KLF8: variants seen among roughly 807,000 people sequenced by gnomAD.
KLF8 encodes Krueppel-like factor 8.
KLF8 carries 10 observed loss-of-function variants against 18.2 expected under a neutral mutation model. That is an observed-to-expected ratio of 0.55 (90% CI 0.34 to 0.93). KLF8 has a LOEUF of 0.93. Among genes scored for constraint, KLF8 ranks in the 40% least tolerant of loss-of-function variants. KLF8 has a pLI of 0.02. For synonymous variants in KLF8, 109 were observed against 97.3 expected (o/e 1.12, Z -0.71); for missense variants, 264 against 277.9 (o/e 0.95, Z 0.36).
At chrX:56,059,330 T>G in the KLF8 span, among the ~76,000 whole-genome samples, 1 of 112,182 alleles carries the variant, frequency 8.9e-6, no homozygotes, top group Non-Finnish European at 1.9e-5. Flanking sequence ...ATAGTTTCCT[T>G]TGCTGTGAAG....
At chrX:56,124,675 A>G in the KLF8 span, among the ~76,000 whole-genome samples, 1 of 111,717 alleles carries the variant, frequency 9.0e-6, no homozygotes, top group African/African-American at 3.3e-5. Flanking sequence ...AGCCCAGCTT[A>G]TGTATACTAT....
At chrX:56,102,248 A>C in the KLF8 span, among the ~76,000 whole-genome samples, 1 of 111,267 alleles carries the variant, frequency 9.0e-6, no homozygotes, top group African/African-American at 3.3e-5. Flanking sequence ...TTTCTTGAAG[A>C]TAGATGGTTG....
the KLF8 span, among the ~76,000 whole-genome samples, chrX:55,946,020 T>G: frequency 6.6e-4 from 74 of 111,821 alleles, no homozygotes; most frequent in Admixed American, 5.8e-3. Context: ...TCCACGCTCT[T>G]GCATAGGAAG....
the KLF8 span, among the ~76,000 whole-genome samples, chrX:55,995,320 T>A: frequency 8.9e-6 from 1 of 112,495 alleles, no homozygotes; most frequent in African/African-American, 3.2e-5. Context: ...AGCATGCACT[T>A]GGGTCTTGCT....
the KLF8 span, among the ~76,000 whole-genome samples, chrX:55,979,931 T>G: frequency 8.9e-6 from 1 of 112,046 alleles, no homozygotes; most frequent in Non-Finnish European, 1.9e-5. Context: ...TCTGTGATGC[T>G]TCTTTGTCAA....
chrX:55,909,143 G>A, the KLF8 span, among the ~76,000 whole-genome samples: 2 of 112,066 alleles, frequency 1.8e-5, no homozygotes, highest in Admixed American at 9.4e-5. Context: ...AGCTAGGAGG[G>A]CTCCATCTTG....
intron 2 of KLF8, among the ~76,000 whole-genome samples, chrX:56,263,065 C>T (rs1448185113): frequency 8.9e-6 from 1 of 112,184 alleles, no homozygotes; most frequent in Non-Finnish European, 1.9e-5. Flanking sequence ...AATGGAGCTA[C>T]TCAAGTGAAG....
chrX:56,117,042 G>A, the KLF8 span, among the ~76,000 whole-genome samples: 1 of 110,654 alleles, frequency 9.0e-6, no homozygotes, highest in Non-Finnish European at 1.9e-5. Context: ...TTGGGAGACT[G>A]AGATGGGAGG....
chrX:56,186,583 G>A, the KLF8 span, among the ~76,000 whole-genome samples: 17 of 111,548 alleles, frequency 1.5e-4, no homozygotes, highest in East Asian at 3.9e-3. Flanking sequence ...ATTCTTTTCA[G>A]CACCACACCA....
chrX:56,064,653 GCTTT>G, the KLF8 span, among the ~76,000 whole-genome samples: 3 of 111,055 alleles, frequency 2.7e-5, no homozygotes, highest in African/African-American at 9.8e-5. Context: ...CCATTTCAGT[GCTTT>G]CTTTTTATTA....
chrX:56,184,204 C>T, the KLF8 span, among the ~76,000 whole-genome samples: 62 of 112,317 alleles, frequency 5.5e-4, no homozygotes, highest in Admixed American at 1.5e-3. Context: ...TAAAAAATGG[C>T]GCACCAGGAG....
chrX:56,085,724 C>A, the KLF8 span, among the ~76,000 whole-genome samples: 1 of 112,144 alleles, frequency 8.9e-6, no homozygotes, highest in Non-Finnish European at 1.9e-5. Flanking sequence ...AACACACATG[C>A]AATATTTTTC....
chrX:56,138,394 G>T, the KLF8 span, among the ~76,000 whole-genome samples: 1 of 111,465 alleles, frequency 9.0e-6, no homozygotes, highest in African/African-American at 3.3e-5. Context: ...TATCCCTAAT[G>T]AACATTGATG....
At chrX:56,159,316 G>A in the KLF8 span, among the ~76,000 whole-genome samples, 14 of 111,933 alleles carry the variant, frequency 1.3e-4, no homozygotes, top group South Asian at 2.3e-3. Flanking sequence ...TTTTAGCATC[G>A]ATGTTCATCA....
chrX:56,007,713 T>C, the KLF8 span, among the ~76,000 whole-genome samples: 1 of 111,588 alleles, frequency 9.0e-6, no homozygotes, highest in Non-Finnish European at 1.9e-5. Flanking sequence ...TAGTAAACCA[T>C]CTTTGAAAAA....
chrX:55,937,812 G>T, the KLF8 span, among the ~76,000 whole-genome samples: 3 of 111,650 alleles, frequency 2.7e-5, no homozygotes, highest in East Asian at 5.6e-4. Flanking sequence ...AGGGAGAAAA[G>T]AAGTTTAGAG....
At chrX:56,148,000 A>G in the KLF8 span, among the ~76,000 whole-genome samples, 1 of 112,006 alleles carries the variant, frequency 8.9e-6, no homozygotes, top group African/African-American at 3.2e-5. Flanking sequence ...AACTAGAGAG[A>G]AGCAATGGTT....
At chrX:56,068,442 G>A in the KLF8 span, among the ~76,000 whole-genome samples, 8 of 111,369 alleles carry the variant, frequency 7.2e-5, no homozygotes, top group East Asian at 2.3e-3. Context: ...GAAACCAGGT[G>A]AGCAACACTT....
the KLF8 span, among the ~76,000 whole-genome samples, chrX:56,113,112 G>A: frequency 9.2e-6 from 1 of 108,811 alleles, no homozygotes; most frequent in African/African-American, 3.4e-5. Flanking sequence ...ACTCGAGGAT[G>A]GCTTGAACCT....
Sources: gnomAD v4.1 joint callset for allele counts (sites outside exome capture counted in the v4.1 genomes callset) on GRCh38, gnomAD v4.1.1 for gene constraint, MANE v1.5 for transcripts, NCBI Gene and HGNC (gene_info 2026-07-23, HGNC 2026-07-21) for gene names.